The following MMP26 variants were observed in gnomAD, a reference collection of about 807,000 sequenced individuals.
MMP26 encodes matrix metallopeptidase 26.
MMP26 carries 33 observed loss-of-function variants against 31.0 expected under a neutral mutation model. The ratio of observed to expected loss-of-function variants is 1.06; its 90% CI spans 0.81 to 1.42. The LOEUF is 1.42. Among genes scored for constraint, MMP26 ranks in the 40% most tolerant of loss-of-function variants. MMP26 has a pLI of 0.00. For missense variants in MMP26, 347 were observed against 316.1 expected (o/e 1.10, Z -0.74); for synonymous variants, 122 against 114.9 (o/e 1.06, Z -0.40).
rs772291154 is a variant in MMP26 at position 4,991,384 on chromosome 11, T to C, written c.483T>C (p.Gly161=). The change falls in exon 6 of 8, where the codon GGT becomes GGC. Residue 161 remains glycine (G), a synonymous_variant. Transcript: ENST00000380390. Reference sequence around the variant, plus strand: ...TGTCGTCCACAGCCCATGAAGATGGTTGGCCCTTTGATGGGCCAGGTGGTA... The same window carrying C: ...TGTCGTCCACAGCCCATGAAGATGGCTGGCCCTTTGATGGGCCAGGTGGTA... ...VSFWQWAHED[G]WPFDGPGGIL... The C allele has an allele frequency of 2.5e-5, 40 of 1,613,438 alleles. No homozygotes were observed. Among genetic ancestry groups the C allele is most frequent in the Admixed American group, 5.0e-5 (3 of 60,002 alleles).
intron 2 of MMP26, among the ~76,000 whole-genome samples, chr11:4,811,156 A>G (rs1299385472): frequency 6.6e-6 from 1 of 152,222 alleles, no homozygotes; most frequent in African/African-American, 2.4e-5. Context: ...GACATTGTAC[A>G]TTGGAATTTC....
intron 2 of MMP26, chr11:4,923,323 A>C (rs1851211506): frequency 6.6e-7 from 1 of 1,511,250 alleles, no homozygotes. Flanking sequence ...AGCTGAAAAC[A>C]AACAGAAACC....
chr11:4,846,389 T>C (rs1322694810), intron 2 of MMP26, among the ~76,000 whole-genome samples: 1 of 152,136 alleles, frequency 6.6e-6, no homozygotes, highest in Non-Finnish European at 1.5e-5. Context: ...ATAGGATGTT[T>C]ACCAGAGGCT....
chr11:4,868,525 C>T (rs1037701516), intron 2 of MMP26, among the ~76,000 whole-genome samples: 2 of 152,048 alleles, frequency 1.3e-5, no homozygotes, highest in Non-Finnish European at 1.5e-5. Flanking sequence ...TGTGAAAGAC[C>T]TCTTCAAGAG....
chr11:4,745,950 C>T (rs1022426950), intron 1 of MMP26, among the ~76,000 whole-genome samples: 9 of 152,038 alleles, frequency 5.9e-5, no homozygotes, highest in East Asian at 5.8e-4. Flanking sequence ...ATTTTAATGC[C>T]GAATAATATT....
chr11:4,822,379 C>T, intron 2 of MMP26: 2 of 1,459,738 alleles, frequency 1.4e-6, no homozygotes, highest in Non-Finnish European at 9.1e-7. Flanking sequence ...TAATCATCAG[C>T]TATTTCTGAT....
At chr11:4,792,217 A>G (rs761119954) in intron 2 of MMP26, among the ~76,000 whole-genome samples, 7 of 152,108 alleles carry the variant, frequency 4.6e-5, no homozygotes, top group African/African-American at 7.2e-5. Context: ...TCACACTAAC[A>G]CAAACTCACA....
At chr11:4,783,262 A>C (rs1185831560) in intron 2 of MMP26, among the ~76,000 whole-genome samples, 1 of 152,148 alleles carries the variant, frequency 6.6e-6, no homozygotes, top group Admixed American at 6.5e-5. Context: ...ATGGGAACCC[A>C]CCTCTTGCAT....
In MMP26 at chr11:4,991,779, CA is replaced by C. The variant is rs1367266713; in HGVS notation, c.596-182del. ...CTTTTTCACTTCAAGTTTATCTGTC[CA>C]AATATCTTGCCATTCTGTTTTCTAC... On this transcript the variant is annotated intron_variant, in intron 6 of 7. Coordinates refer to ENST00000380390, the MANE Select transcript of MMP26 (RefSeq NM_021801.5). Among the ~76,000 whole-genome samples the C allele has an allele frequency of 5.9e-5, 9 of 152,142 alleles. No homozygotes were observed. In the East Asian group the frequency reaches 1.7e-3, roughly 29 times the overall value.
At chr11:4,934,203 G>A (rs1851397021) in intron 2 of MMP26, among the ~76,000 whole-genome samples, 1 of 148,196 alleles carries the variant, frequency 6.7e-6, no homozygotes. Context: ...GTGTAAAAGT[G>A]TTCCTGTTTC....
At chr11:4,890,653 T>C (rs1280301501) in intron 2 of MMP26, 1 of 152,134 alleles carries the variant, frequency 6.6e-6, no homozygotes, top group African/African-American at 2.4e-5. Context: ...ATGGATCTCC[T>C]GTGTTCATTT....
chr11:4,835,645 T>A (rs1849708461), intron 2 of MMP26, among the ~76,000 whole-genome samples: 1 of 151,962 alleles, frequency 6.6e-6, no homozygotes, highest in Non-Finnish European at 1.5e-5. Flanking sequence ...TTTAGCAGAG[T>A]AATAAACACA....
chr11:4,874,565 G>GGTGTGTGT (rs35692032), intron 2 of MMP26, among the ~76,000 whole-genome samples: 43,146 of 148,966 alleles, frequency 0.29, 7,250 homozygotes, highest in Non-Finnish European at 0.39. Flanking sequence ...GTGGTGTGTT[G>GGTGTGTGT]GTGTGTGTGT....
At chr11:4,823,064 T>C (rs1484546747) in intron 2 of MMP26, among the ~76,000 whole-genome samples, 3 of 152,164 alleles carry the variant, frequency 2.0e-5, no homozygotes, top group Non-Finnish European at 2.9e-5. Context: ...TCTGTACTTT[T>C]GGCTCATATT....
chr11:4,980,954 T>C (rs779786005), intron 2 of MMP26, among the ~76,000 whole-genome samples: 6 of 152,158 alleles, frequency 3.9e-5, no homozygotes, highest in South Asian at 2.1e-4. Flanking sequence ...TTAAGGGGCT[T>C]TCAGTTAAGG....
chr11:4,865,584 T>C (rs1056495909), intron 2 of MMP26, among the ~76,000 whole-genome samples: 2 of 151,866 alleles, frequency 1.3e-5, no homozygotes, highest in Non-Finnish European at 1.5e-5. Flanking sequence ...ATTCTTCTTC[T>C]TCCTCCTCCT....
In MMP26 at chr11:4,992,312, A is replaced by G. The variant is rs1011597745; in HGVS notation, c.*70A>G. 10 of 1,492,870 alleles carry G rather than the reference A, an allele frequency of 6.7e-6. No homozygotes were observed. In the African/African-American group the frequency reaches 1.4e-4, roughly 21 times the overall value. 92.5% of individuals were successfully genotyped at this position (1,492,870 alleles called of 1,614,324 possible). ...ATTGGAGGATCAAAGAACTGAAAGC[A>G]CTAGAGCAGCCTTGGGGACTGCTAG... On this transcript the variant is annotated 3_prime_UTR_variant, in exon 8 of 8. Coordinates refer to ENST00000380390, the MANE Select transcript of MMP26 (RefSeq NM_021801.5).
At chr11:4,988,872 T>A (rs914485920) in intron 3 of MMP26, among the ~76,000 whole-genome samples, 3 of 152,162 alleles carry the variant, frequency 2.0e-5, no homozygotes, top group African/African-American at 7.2e-5. Context: ...TCCAGAACAA[T>A]ACAATAAGTC....
chr11:4,738,427 A>C (rs1589887502), intron 1 of MMP26, among the ~76,000 whole-genome samples: 2 of 152,292 alleles, frequency 1.3e-5, no homozygotes, highest in Admixed American at 6.5e-5. Context: ...GTGAGAAAAT[A>C]TCTCATCAAC....
Sources: allele counts gnomAD v4.1 joint callset (sites outside exome capture counted in the v4.1 genomes callset), GRCh38; gene constraint gnomAD v4.1.1; transcripts MANE v1.5; gene names NCBI Gene and HGNC (gene_info 2026-07-23, HGNC 2026-07-21).